The following SSH1 variants were observed in gnomAD, a reference collection of about 807,000 sequenced individuals.
SSH1 encodes the protein slingshot protein phosphatase 1.
SSH1 carries 43 observed loss-of-function variants against 79.7 expected under a neutral mutation model. The ratio of observed to expected loss-of-function variants is 0.54; its 90% CI spans 0.42 to 0.70. The LOEUF (loss-of-function observed/expected upper bound fraction) is 0.70. Among genes scored for constraint, SSH1 ranks in the 30% least tolerant of loss-of-function variants. SSH1 has a pLI of 0.00. For synonymous variants in SSH1, 599 were observed against 538.3 expected (o/e 1.11, Z -1.56); for missense variants, 1,206 against 1,358.8 (o/e 0.89, Z 1.77).
At chr12:108,826,470 G>A (rs1482972297) in intron 2 of SSH1, 1 of 208,994 alleles carries the variant, frequency 4.8e-6, no homozygotes, top group Non-Finnish European at 9.7e-6. Flanking sequence ...GAAGCTGTGA[G>A]ATCACCCTGC....
intron 2 of SSH1, among the ~76,000 whole-genome samples, chr12:108,848,159 G>A (rs1182906159): frequency 6.6e-6 from 1 of 152,162 alleles, no homozygotes; most frequent in Admixed American, 6.5e-5. Flanking sequence ...ACCAGGGGGT[G>A]ATATGCCAAG....
chr12:108,840,162 T>A (rs2038740931), intron 2 of SSH1, among the ~76,000 whole-genome samples: 1 of 152,014 alleles, frequency 6.6e-6, no homozygotes, highest in Non-Finnish European at 1.5e-5. Flanking sequence ...TCACCCTGCA[T>A]CCCGACACTG....
chr12:108,792,979 C>G, intron 13 of SSH1, 150 bp from the exon 14 acceptor site: 1 of 939,912 alleles, frequency 1.1e-6, no homozygotes, highest in Non-Finnish European at 1.6e-6. Flanking sequence ...TCTCTCTGTT[C>G]ATTTGTTCCC....
Position 108,800,873 on chromosome 12 carries a change from A to G in SSH1, c.1055T>C (p.Leu352Ser). 6.2e-7 allele frequency: 1 copy of G among 1,614,120 alleles called. No homozygotes were observed. ...TREIDNFFPG[L>S]FAYHNIRVYD... ...GACTCGGATGTTATGATATGCAAAT[A>G]AGCCAGGAAAAAAATTATCGATTTC... The change falls in exon 12 of 15, where the codon TTA (leucine) becomes TCA (serine). Residue 352 changes from leucine (L) to serine (S), a missense_variant. This residue lies in a region of SSH1 where 166 missense variants were observed against 262.9 expected (regional missense o/e 0.63). Transcript: ENST00000326495.
chr12:108,791,519 T>C (rs1485672143), intron 14 of SSH1, among the ~76,000 whole-genome samples: 2 of 152,186 alleles, frequency 1.3e-5, no homozygotes, highest in Non-Finnish European at 2.9e-5. Flanking sequence ...AAACCTGTAA[T>C]TCCAGCACTT....
At chr12:108,839,157 T>C (rs2038715339) in intron 2 of SSH1, among the ~76,000 whole-genome samples, 1 of 152,220 alleles carries the variant, frequency 6.6e-6, no homozygotes, top group Admixed American at 6.5e-5. Context: ...TAAATACACA[T>C]GGGCTGAATG....
chr12:108,815,521 C>G (rs2037844732), intron 5 of SSH1, among the ~76,000 whole-genome samples: 1 of 152,220 alleles, frequency 6.6e-6, no homozygotes, highest in Non-Finnish European at 1.5e-5. Flanking sequence ...TAGACAGTCA[C>G]TGGAAGAACA....
At chr12:108,811,180 A>G in intron 6 of SSH1, 80 bp downstream of exon 6, 1 of 1,298,432 alleles carries the variant, frequency 7.7e-7, no homozygotes, top group South Asian at 1.2e-5. Context: ...GCTAATGATC[A>G]TCCAAGGATG....
At chr12:108,823,215 G>A (rs780539570) in intron 3 of SSH1, 43 bp downstream of exon 3, 1 of 1,517,024 alleles carries the variant, frequency 6.6e-7, no homozygotes, top group South Asian at 1.2e-5. Context: ...CTGCTGTCCA[G>A]AAAAGAAGCT....
chr12:108,811,724 C>A (rs897678152), intron 5 of SSH1: 50 of 329,304 alleles, frequency 1.5e-4, no homozygotes, highest in African/African-American at 8.1e-4. Context: ...TCCCGGAGCT[C>A]ACTTTCAGAC....
At chr12:108,837,307 G>C (rs536509735) in intron 2 of SSH1, among the ~76,000 whole-genome samples, 5 of 152,196 alleles carry the variant, frequency 3.3e-5, no homozygotes, top group Non-Finnish European at 7.3e-5. Context: ...GACTGCAGGA[G>C]AGCCAAGAGA....
At chr12:108,855,918 C>T (rs536467963) in intron 1 of SSH1, among the ~76,000 whole-genome samples, 1 of 152,344 alleles carries the variant, frequency 6.6e-6, no homozygotes, top group East Asian at 1.9e-4. Flanking sequence ...AATGTCCCTG[C>T]CAATCCCAGC....
rs1165169258 is a variant in SSH1 at position 108,781,527 on chromosome 12, T to C, written c.*6461A>G. On this transcript the variant is annotated 3_prime_UTR_variant, in exon 15 of 15. Transcript: ENST00000326495. Reference sequence around the variant, plus strand: ...CATTCTGGTTTATTCATCAGTCTTTTGAGTCCAGTTGAGAGACAGAGCAAG... The same window carrying C: ...CATTCTGGTTTATTCATCAGTCTTTCGAGTCCAGTTGAGAGACAGAGCAAG... 6.6e-6 allele frequency: 1 copy of C among 152,266 alleles called. No individual in the cohort carries two copies. Among genetic ancestry groups the C allele is most frequent in the Non-Finnish European group, 1.5e-5 (1 of 68,050 alleles). 9.4% of individuals were successfully genotyped at this position (152,266 alleles called of 1,614,324 possible). A position where few individuals can be genotyped will look rare whatever the true frequency, so the allele number is the denominator to read the frequency against.
At position 108,792,674 on chromosome 12, in the gene SSH1, C is replaced by T. The variant is rs1350561928; in HGVS notation, c.1505G>A (p.Gly502Asp). The change falls in exon 14 of 15, where the codon GGC (glycine) becomes GAC (aspartate). Residue 502 changes from glycine (G) to aspartate (D), a missense_variant. Around this residue, in one of 5 missense-constraint regions of SSH1, gnomAD observed 709 missense variants for 730.6 expected, o/e 0.97. Transcript: ENST00000326495. ...ACAGCAGGGGAGGGGGGGCCCTAAG[C>T]CGGGCTGGGCGGCATCATCCAAGAA... ...LPFLDDAAQPGLGPPLPCCFR... is the reference protein window; with the variant it reads ...LPFLDDAAQPDLGPPLPCCFR... 12 of 1,612,140 alleles carry T rather than the reference C, an allele frequency of 7.4e-6. No individual in the cohort carries two copies. Among genetic ancestry groups the T allele is most frequent in the Non-Finnish European group, 1.0e-5 (12 of 1,179,992 alleles).
At chr12:108,800,466 C>T (rs1319347783) in intron 12 of SSH1, among the ~76,000 whole-genome samples, 9 of 152,112 alleles carry the variant, frequency 5.9e-5, no homozygotes, top group Admixed American at 5.9e-4. Context: ...TGGGGCTTGC[C>T]TGGAATCAGA....
In SSH1 at chr12:108,787,887, T is replaced by C. The variant is rs1458617255; in HGVS notation, c.*101A>G. 5.4e-6 allele frequency: 8 copies of C among 1,473,486 alleles called. No individual in the cohort carries two copies. Among genetic ancestry groups the C allele is most frequent in the Non-Finnish European group, 7.5e-6 (8 of 1,064,502 alleles). The allele number at this position is 1,473,486 out of a possible 1,614,324, so 91.3% of individuals were successfully genotyped here. A position where few individuals can be genotyped will look rare whatever the true frequency, so the allele number is the denominator to read the frequency against. On this transcript the variant is annotated 3_prime_UTR_variant, in exon 15 of 15. Coordinates refer to ENST00000326495, the MANE Select transcript of SSH1 (RefSeq NM_018984.4). ...AAAAGTTAGGATGACTTCACTCGTTTAAGGGAAATCAAGATGTAAGGGGTC... is the reference window on the plus strand; with the variant it reads ...AAAAGTTAGGATGACTTCACTCGTTCAAGGGAAATCAAGATGTAAGGGGTC...
At position 108,788,448 on chromosome 12, in the gene SSH1, C is replaced by A; in HGVS notation, c.2690G>T (p.Ser897Ile). Residue 897 changes from serine to isoleucine, a missense_variant, in exon 15 of 15, where the codon AGC (serine) becomes ATC (isoleucine). Physicochemically the swap from Ser to Ile is moderately radical, Grantham distance 142 (BLOSUM62 -2). This residue lies in a region of SSH1 where 709 missense variants were observed against 730.6 expected (regional missense o/e 0.97). Coordinates refer to ENST00000326495, the MANE Select transcript of SSH1 (RefSeq NM_018984.4). ...PASLEGGSLK[S>I]PPPFFYRLDH... is the part of the protein sequence containing the mutation. ...CAGGCGGTAGAAGAAAGGAGGGGGG[C>A]TCTTCAGTGAGCCTCCTTCCAATGA... 6.4e-7 allele frequency: 1 copy of A among 1,570,568 alleles called. No homozygotes were observed. The highest frequency in any genetic ancestry group is 1.4e-5 in the African/African-American group (1 of 73,354).
Position 108,788,475 on chromosome 12 carries a change from G to A in SSH1, c.2663C>T (p.Ala888Val). ...GSDEKSEAAP[A>V]SLEGGSLKSP... Reference sequence around the variant, plus strand: ...CTTCAGTGAGCCTCCTTCCAATGAAGCGGGGGCGGCCTCTGACTTCTCATC... The same window carrying A: ...CTTCAGTGAGCCTCCTTCCAATGAAACGGGGGCGGCCTCTGACTTCTCATC... Residue 888 changes from alanine (A) to valine (V), a missense_variant, in exon 15 of 15, where the codon GCT becomes GTT. By Grantham distance (64) the Ala-to-Val change is moderately conservative (BLOSUM62 0). Transcript: ENST00000326495. 6.4e-7 allele frequency: 1 copy of A among 1,557,374 alleles called. No individual in the cohort carries two copies. The highest frequency in any genetic ancestry group is 8.7e-7 in the Non-Finnish European group (1 of 1,154,378).
rs1317832983 is a variant in SSH1, at chr12:108,807,236, T to C, written c.731+397A>G. 1.3e-5 allele frequency among the ~76,000 whole-genome samples: 2 copies of C among 152,140 alleles called. No individual in the cohort carries two copies. Among genetic ancestry groups the C allele is most frequent in the Non-Finnish European group, 1.5e-5 (1 of 68,026 alleles). On this transcript the variant is annotated intron_variant, in intron 8 of 14. Coordinates refer to ENST00000326495, the MANE Select transcript of SSH1 (RefSeq NM_018984.4). This position sits in a 1 kb window ranked among gnomAD's most constrained non-coding sequence, Gnocchi z 5.2. The stretch of plus-strand genomic sequence containing the variant: ...TCCAAGGAAGCAGAGGACACATTCC[T>C]AACTCTCCTCAGAGCAGAGCGGGAG...
Sources: gnomAD v4.1 joint callset for allele counts (sites outside exome capture counted in the v4.1 genomes callset) on GRCh38, gnomAD v4.1.1 for gene constraint, gnomAD v4.1.1 regional missense constraint, Gnocchi (gnomAD v3.1) non-coding constraint, MANE v1.5 for transcripts, NCBI Gene and HGNC (gene_info 2026-07-23, HGNC 2026-07-21) for gene names.